RAB13: variants seen among roughly 807,000 people sequenced by gnomAD.
The protein encoded by RAB13 is RAB13, member RAS oncogene family, also known as ras-related protein Rab-13.
A neutral mutation model predicts 29.3 loss-of-function variants in RAB13; 15 were observed. The ratio of observed to expected loss-of-function variants is 0.51; its 90% CI spans 0.34 to 0.79. RAB13 has a LOEUF of 0.79. Among genes scored for constraint, RAB13 ranks in the 30% least tolerant of loss-of-function variants. RAB13 has a pLI of 0.01. For missense variants in RAB13, 186 were observed against 255.5 expected (o/e 0.73, Z 1.85); for synonymous variants, 82 against 93.8 (o/e 0.87, Z 0.73).
chr1:153,985,960 A>G (rs1649153385), intron 1 of RAB13, 153 bp downstream of exon 1: 1 of 1,361,960 alleles, frequency 7.3e-7, no homozygotes, highest in Non-Finnish European at 9.9e-7. Context: ...ATACAGAGAC[A>G]TGCACGGGGG....
chr1:153,985,951 T>C (rs965047997), intron 1 of RAB13, 162 bp downstream of exon 1: 7 of 1,308,170 alleles, frequency 5.4e-6, no homozygotes, highest in Non-Finnish European at 2.1e-6. Flanking sequence ...TTGGTTACTA[T>C]ACAGAGACAT....
chr1:153,983,654 A>C (rs1649067283), intron 2 of RAB13, 73 bp from the exon 3 acceptor site: 1 of 1,359,868 alleles, frequency 7.4e-7, no homozygotes, highest in Admixed American at 1.8e-5. Flanking sequence ...TTCCTCTCTC[A>C]CAAGAATTTA....
chr1:153,986,674 A>G (rs1649181416), upstream of RAB13, among the ~76,000 whole-genome samples: 2 of 151,900 alleles, frequency 1.3e-5, no homozygotes, highest in Admixed American at 6.6e-5. Flanking sequence ...AGTTTTGGGA[A>G]TAAGGGTGAA....
chr1:153,990,689 C>A, upstream of RAB13: 1 of 1,472,482 alleles, frequency 6.8e-7, no homozygotes, highest in Non-Finnish European at 9.5e-7. Context: ...ACGTTCCAAA[C>A]ATGGTGGCAC....
upstream of RAB13, chr1:153,986,364 G>A: frequency 1.3e-6 from 1 of 777,582 alleles, no homozygotes. Flanking sequence ...CTCCGCCCAG[G>A]CTCCGGGAAA....
upstream of RAB13, among the ~76,000 whole-genome samples, chr1:153,989,538 G>A (rs1035305722): frequency 2.0e-5 from 3 of 150,718 alleles, no homozygotes; most frequent in Non-Finnish European, 4.4e-5. Flanking sequence ...CGTGAGCCAC[G>A]GCGCCCGGGC....
upstream of RAB13, among the ~76,000 whole-genome samples, chr1:153,988,791 T>G (rs1183846813): frequency 6.7e-6 from 1 of 149,114 alleles, no homozygotes; most frequent in Non-Finnish European, 1.5e-5. Flanking sequence ...TTTGTATTTT[T>G]AGTAGAGACG....
chr1:153,982,397 C>G lies in RAB13; in HGVS notation c.528G>C (p.Arg176=). The G allele has an allele frequency of 6.2e-6, 10 of 1,613,494 alleles. No homozygotes were observed. Among genetic ancestry groups the G allele is most frequent in the Non-Finnish European group, 8.5e-6 (10 of 1,179,554 alleles). ...ARDILLKSGG[R]RSGNGNKPPS... ...TCCAGCAAAACCAACTTACTGATCTCCGGCCTCCTGACTTGAGCAAGATGT... is the reference window on the plus strand; with the variant it reads ...TCCAGCAAAACCAACTTACTGATCTGCGGCCTCCTGACTTGAGCAAGATGT... The change falls in exon 7 of 8, where the codon CGG becomes CGC. Residue 176 remains arginine, a synonymous_variant. Coordinates refer to ENST00000368575, the MANE Select transcript of RAB13 (RefSeq NM_002870.5).
In RAB13 at chr1:153,983,547, T is replaced by C. The variant is rs1649063661; in HGVS notation, c.220A>G (p.Thr74Ala). The C allele has an allele frequency of 6.2e-7, 1 of 1,612,142 alleles. No homozygotes were observed. The highest frequency in any genetic ancestry group is 8.5e-7 in the Non-Finnish European group (1 of 1,178,186). The change falls in exon 3 of 8, where the codon ACT (threonine) becomes GCT (alanine). Residue 74 changes from threonine (T) to alanine (A), a missense_variant. Physicochemically the swap from Thr to Ala is moderately conservative, Grantham distance 58 (BLOSUM62 0). Coordinates refer to ENST00000368575, the MANE Select transcript of RAB13 (RefSeq NM_002870.5). ...ATGGCTCCACGGTAGTAGGCAGTAG[T>C]TATTGTCTTGAACCGCTCTTGGCCA... is the stretch of plus-strand genomic sequence containing the variant. ...TAGQERFKTI[T>A]TAYYRGAMGI...
upstream of RAB13, chr1:153,990,660 T>G: frequency 8.4e-7 from 1 of 1,186,376 alleles, no homozygotes; most frequent in Non-Finnish European, 1.3e-6. Context: ...GTCTCCCCAC[T>G]GCGGCGGATC....
At chr1:153,989,548 C>A (rs1649291412), upstream of RAB13, among the ~76,000 whole-genome samples, 1 of 151,372 alleles carries the variant, frequency 6.6e-6, no homozygotes. Flanking sequence ...GGCGCCCGGG[C>A]AAGAAAAAAT....
chr1:153,990,654 C>T (rs1649331984), upstream of RAB13: 2 of 1,083,786 alleles, frequency 1.8e-6, no homozygotes, highest in South Asian at 2.6e-5. Flanking sequence ...TCCCTTGTCT[C>T]CCCACTGCGG....
chr1:153,988,792 A>G (rs1649261456), upstream of RAB13, among the ~76,000 whole-genome samples: 2 of 148,086 alleles, frequency 1.4e-5, 1 homozygote, highest in Admixed American at 1.4e-4. Flanking sequence ...TTGTATTTTT[A>G]GTAGAGACGA....
At chr1:153,990,128 T>G (rs1364802073), upstream of RAB13, among the ~76,000 whole-genome samples, 2 of 152,032 alleles carry the variant, frequency 1.3e-5, no homozygotes, top group African/African-American at 4.8e-5. Flanking sequence ...CAGGCTGGAG[T>G]GGATCTCGGC....
At chr1:153,989,896 AAAAAAT>A (rs1452944749), upstream of RAB13, among the ~76,000 whole-genome samples, 1 of 151,984 alleles carries the variant, frequency 6.6e-6, no homozygotes, top group Non-Finnish European at 1.5e-5. Flanking sequence ...GTGTCTAAAA[AAAAAAT>A]AAAAATAAAA....
chr1:153,984,616 A>G, intron 2 of RAB13, 105 bp downstream of exon 2: 2 of 1,022,266 alleles, frequency 2.0e-6, no homozygotes, highest in East Asian at 2.6e-5. Context: ...TAGCACTTCT[A>G]GAAGGAGCAA....
chr1:153,988,474 G>T (rs1649252174), upstream of RAB13, among the ~76,000 whole-genome samples: 1 of 146,050 alleles, frequency 6.8e-6, no homozygotes, highest in African/African-American at 2.5e-5. Flanking sequence ...TGTATTTTAG[G>T]GAGAGACGGG....
intron 3 of RAB13, 65 bp downstream of exon 3, chr1:153,983,456 C>G: frequency 1.3e-6 from 2 of 1,541,490 alleles, no homozygotes; most frequent in Admixed American, 3.3e-5. Context: ...ACCCCTGACC[C>G]TTTGTATTCA....
chr1:153,982,100 C>T lies in RAB13; in HGVS notation c.611G>A (p.Ter204=), dbSNP rs1237456153. ...KKNTNKCSLG[*] Reference sequence around the variant, plus strand: ...GGGTGGGGAGGCAAGAAAGGGTCCTCAGCCCAGGGAGCACTTGTTGGTGTT... The same window carrying T: ...GGGTGGGGAGGCAAGAAAGGGTCCTTAGCCCAGGGAGCACTTGTTGGTGTT... Residue 204 remains the stop codon, a stop_retained_variant, in exon 8 of 8, where the codon TGA becomes TAA. Coordinates refer to ENST00000368575, the MANE Select transcript of RAB13 (RefSeq NM_002870.5). 2 of 1,613,492 alleles carry T rather than the reference C, an allele frequency of 1.2e-6. No individual in the cohort carries two copies. The highest frequency in any genetic ancestry group is 2.7e-5 in the African/African-American group (2 of 75,030).
Sources: allele counts gnomAD v4.1 joint callset (sites outside exome capture counted in the v4.1 genomes callset), GRCh38; gene constraint gnomAD v4.1.1; transcripts MANE v1.5; gene names NCBI Gene and HGNC (gene_info 2026-07-23, HGNC 2026-07-21).